Variants in ZNF474 observed in about 807,000 individuals in gnomAD.
ZNF474 encodes the protein zinc finger protein 474, also known as 4933409D10Rik.
For missense variants in ZNF474, 511 were observed against 433.8 expected (o/e 1.18, Z -1.58); for synonymous variants, 192 against 162.2 (o/e 1.18, Z -1.39).
Position 122,152,303 on chromosome 5 carries a change from G to A in ZNF474, c.313G>A (p.Gly105Arg). ...ATGCTATATCTGTGGCCGAGAATTTGGGTCCCAGTCAATTGCCATTCATGA... is the reference window on the plus strand; with the variant it reads ...ATGCTATATCTGTGGCCGAGAATTTAGGTCCCAGTCAATTGCCATTCATGA... ...RVCYICGREFGSQSIAIHEPQ... is the reference protein window; with the variant it reads ...RVCYICGREFRSQSIAIHEPQ... The change falls in exon 2 of 2, where the codon GGG becomes AGG. Residue 105 changes from glycine to arginine, a missense_variant. By Grantham distance (125) the Gly-to-Arg change is moderately radical. Transcript: ENST00000296600. 6.2e-7 allele frequency: 1 copy of A among 1,614,190 alleles called. No individual in the cohort carries two copies.
At chr5:122,136,227 T>G (rs1755696592) in intron 1 of ZNF474, among the ~76,000 whole-genome samples, 3 of 152,208 alleles carry the variant, frequency 2.0e-5, no homozygotes, top group Admixed American at 2.0e-4. Flanking sequence ...ACATGTTGTA[T>G]GCTTATATCA....
rs998720688 is a variant in ZNF474 at position 122,150,246 on chromosome 5, G to A, written c.-212-1533G>A. ...TACTGATCGAGTGATAAATTTCTCT[G>A]TTTTATTTTCTATGCTGGCCACTCT... On this transcript the variant is annotated intron_variant, in intron 1 of 1. Transcript: ENST00000296600. Among the ~76,000 whole-genome samples, 13 of 152,126 alleles carry A rather than the reference G, an allele frequency of 8.5e-5. 1 individual carries two copies. Among genetic ancestry groups the A allele is most frequent in the Admixed American group, 8.5e-4 (13 of 15,266 alleles).
intron 1 of ZNF474, among the ~76,000 whole-genome samples, chr5:122,144,688 T>C (rs1755940820): frequency 6.6e-6 from 1 of 152,170 alleles, no homozygotes; most frequent in African/African-American, 2.4e-5. Context: ...TGGAAGAAAA[T>C]TATCCTAAAT....
intron 1 of ZNF474, among the ~76,000 whole-genome samples, chr5:122,130,313 C>A (rs1391631892): frequency 6.6e-6 from 1 of 152,064 alleles, no homozygotes; most frequent in Admixed American, 6.6e-5. Context: ...TTTATTTCAC[C>A]CTGGAATGTT....
At chr5:122,135,254 G>C (rs935150307) in intron 1 of ZNF474, among the ~76,000 whole-genome samples, 11 of 152,190 alleles carry the variant, frequency 7.2e-5, no homozygotes, top group African/African-American at 2.7e-4. Context: ...AGGATCACTT[G>C]AGGCCGTAAG....
At position 122,152,577 on chromosome 5, in the gene ZNF474, C is replaced by T; in HGVS notation, c.587C>T (p.Ala196Val). 1 of 1,614,186 alleles carries T rather than the reference C, an allele frequency of 6.2e-7. No homozygotes were observed. The highest frequency in any genetic ancestry group is 8.5e-7 in the Non-Finnish European group (1 of 1,180,048). Residue 196 changes from alanine (A) to valine (V), a missense_variant, in exon 2 of 2, where the codon GCA becomes GTA. Physicochemically the swap from Ala to Val is moderately conservative, Grantham distance 64 (BLOSUM62 0). Transcript: ENST00000296600. ...SCKPKGEGPR[A>V]PHSNSSDHLT... ...AAGCCAAAGGGTGAGGGTCCCAGAGCACCACACTCAAACAGTTCTGATCAT... is the reference window on the plus strand; with the variant it reads ...AAGCCAAAGGGTGAGGGTCCCAGAGTACCACACTCAAACAGTTCTGATCAT...
chr5:122,133,023 T>G (rs763272675), intron 1 of ZNF474, among the ~76,000 whole-genome samples: 2 of 152,190 alleles, frequency 1.3e-5, no homozygotes, highest in Non-Finnish European at 2.9e-5. Context: ...TGCCCAAATG[T>G]TTCCCCAGGC....
At position 122,152,616 on chromosome 5, in the gene ZNF474, A is replaced by G; in HGVS notation, c.626A>G (p.Lys209Arg). The change falls in exon 2 of 2, where the codon AAG becomes AGG. Residue 209 changes from lysine (K) to arginine (R), a missense_variant. Transcript: ENST00000296600. ...AGTTCTGATCATCTTACTGGCCTCA[A>G]GAAAGCTTGTAGTGGAACCCCAGCC... ...SNSSDHLTGL[K>R]KACSGTPARP... 1.2e-6 allele frequency: 2 copies of G among 1,614,224 alleles called. No individual in the cohort carries two copies. The highest frequency in any genetic ancestry group is 1.1e-5 in the South Asian group (1 of 91,082).
intron 1 of ZNF474, among the ~76,000 whole-genome samples, chr5:122,149,351 A>C (rs1756101033): frequency 6.6e-6 from 1 of 152,142 alleles, no homozygotes; most frequent in African/African-American, 2.4e-5. Flanking sequence ...CCATAGCCCC[A>C]GTCTCTCTCT....
At position 122,153,035 on chromosome 5, in the gene ZNF474, C is replaced by G; in HGVS notation, c.1045C>G (p.His349Asp). The G allele has an allele frequency of 6.2e-7, 1 of 1,614,106 alleles. No homozygotes were observed. The highest frequency in any genetic ancestry group is 8.5e-7 in the Non-Finnish European group (1 of 1,179,998). Residue 349 changes from histidine (H) to aspartate (D), a missense_variant, in exon 2 of 2, where the codon CAT becomes GAT. By Grantham distance (81) the His-to-Asp change is moderately conservative (BLOSUM62 -1). Transcript: ENST00000296600. ...AAPSVTDKVI[H>D]ATQDALGEPG... is the part of the protein sequence containing the mutation. ...ACCCAGTGTAACTGATAAGGTAATT[C>G]ATGCCACACAAGACGCATTAGGTGA... is the stretch of plus-strand genomic sequence containing the variant.
intron 1 of ZNF474, among the ~76,000 whole-genome samples, chr5:122,143,014 G>A (rs1372645128): frequency 1.3e-5 from 2 of 152,100 alleles, no homozygotes; most frequent in African/African-American, 2.4e-5. Flanking sequence ...GGTGGAGAGC[G>A]CATTATTAAC....
rs748082485 is a variant in ZNF474 at position 122,152,765 on chromosome 5, C to T, written c.775C>T (p.His259Tyr). ...AAATGACCGGCTCCCTGTGGAGCTC[C>T]ACCAGCCACTCCCACAGAAGCCTCA... ...MENDRLPVEL[H>Y]QPLPQKPQPL... Residue 259 changes from histidine (H) to tyrosine (Y), a missense_variant, in exon 2 of 2, where the codon CAC becomes TAC. Coordinates refer to ENST00000296600, the MANE Select transcript of ZNF474 (RefSeq NM_207317.3). 3.1e-6 allele frequency: 5 copies of T among 1,614,018 alleles called. No homozygotes were observed. In the African/African-American group the frequency reaches 4.0e-5, roughly 13 times the overall value.
At chr5:122,131,866 A>G (rs1024384728) in intron 1 of ZNF474, among the ~76,000 whole-genome samples, 1 of 152,086 alleles carries the variant, frequency 6.6e-6, no homozygotes, top group South Asian at 2.1e-4. Context: ...TCATTGATGT[A>G]TAACTCACAT....
At chr5:122,148,143 G>C (rs959199525) in intron 1 of ZNF474, 1 of 152,184 alleles carries the variant, frequency 6.6e-6, no homozygotes, top group African/African-American at 2.4e-5. Flanking sequence ...TTTGCTTTTA[G>C]AGCTAACTTA....
chr5:122,133,124 T>A (rs1381980268), intron 1 of ZNF474, among the ~76,000 whole-genome samples: 1 of 152,126 alleles, frequency 6.6e-6, no homozygotes, highest in Non-Finnish European at 1.5e-5. Flanking sequence ...GTGAAAAAAA[T>A]AAGTATTTTT....
At chr5:122,135,170 T>C (rs1255310235) in intron 1 of ZNF474, among the ~76,000 whole-genome samples, 4 of 152,172 alleles carry the variant, frequency 2.6e-5, no homozygotes, top group African/African-American at 9.6e-5. Flanking sequence ...AAATTATACA[T>C]TTTTAAAATG....
chr5:122,136,652 T>C (rs1213002044), intron 1 of ZNF474, among the ~76,000 whole-genome samples: 1 of 152,204 alleles, frequency 6.6e-6, no homozygotes, highest in Non-Finnish European at 1.5e-5. Flanking sequence ...GTTATGCTTT[T>C]AAAGCTATAA....
intron 1 of ZNF474, chr5:122,147,907 G>A (rs1221260624): frequency 6.6e-6 from 1 of 152,180 alleles, no homozygotes; most frequent in Non-Finnish European, 1.5e-5. Context: ...TTGATAAAAG[G>A]TGATGCCTTC....
At chr5:122,151,589 T>C (rs745736485) in intron 1 of ZNF474, among the ~76,000 whole-genome samples, 190 bp from the exon 2 acceptor site, 2 of 152,106 alleles carry the variant, frequency 1.3e-5, no homozygotes, top group Non-Finnish European at 2.9e-5. Context: ...CTCAGGTTTA[T>C]GTCAGTTTAT....
Sources: allele counts gnomAD v4.1 joint callset (sites outside exome capture counted in the v4.1 genomes callset), GRCh38; gene constraint gnomAD v4.1.1; transcripts MANE v1.5; gene names NCBI Gene and HGNC (gene_info 2026-07-23, HGNC 2026-07-21).